The following NTF4 variants were observed in gnomAD, a reference collection of about 807,000 sequenced individuals.
NTF4 encodes the protein neurotrophin-4.
NTF4 carries 2 observed loss-of-function variants against 4.4 expected under a neutral mutation model. The ratio of observed to expected loss-of-function variants is 0.46; its 90% CI spans 0.19 to 1.44. NTF4 has a LOEUF of 1.44. NTF4 is among the 40% of genes most tolerant of loss of function. The pLI is 0.26. For missense variants in NTF4, 260 were observed against 293.0 expected (o/e 0.89, Z 0.82); for synonymous variants, 127 against 122.0 (o/e 1.04, Z -0.27).
downstream of NTF4, among the ~76,000 whole-genome samples, chr19:49,060,306 C>T (rs1568407165): frequency 6.6e-6 from 1 of 152,016 alleles, no homozygotes; most frequent in Admixed American, 6.6e-5. Context: ...TAGTCAGAAA[C>T]TCATGCCCCA....
downstream of NTF4, among the ~76,000 whole-genome samples, chr19:49,059,856 C>T (rs765204697): frequency 4.0e-5 from 6 of 151,542 alleles, no homozygotes; most frequent in South Asian, 1.0e-3. Context: ...GAGACCAGCC[C>T]GGCCAACATG....
At chr19:49,059,818 C>G (rs1390959112), downstream of NTF4, among the ~76,000 whole-genome samples, 1 of 152,008 alleles carries the variant, frequency 6.6e-6, no homozygotes, top group East Asian at 1.9e-4. Context: ...GAGGCCGAGG[C>G]ATGCGGATCA....
chr19:49,058,639 G>T, downstream of NTF4: 1 of 372,972 alleles, frequency 2.7e-6, no homozygotes, highest in South Asian at 7.3e-5. Context: ...GGAAGGGTAC[G>T]GGTGGGATAA....
chr19:49,058,289 A>G (rs1158848158), downstream of NTF4: 1 of 1,519,774 alleles, frequency 6.6e-7, no homozygotes, highest in Non-Finnish European at 8.8e-7. Context: ...ACCTCGTCGA[A>G]AGCCCAGATG....
downstream of NTF4, among the ~76,000 whole-genome samples, chr19:49,060,036 C>CAAAAAGA: frequency 3.5e-5 from 1 of 28,418 alleles, no homozygotes; most frequent in Non-Finnish European, 5.5e-5. Flanking sequence ...GACTCCATCT[C>CAAAAAGA]AAAAAAAAAA....
downstream of NTF4, among the ~76,000 whole-genome samples, chr19:49,059,427 G>A (rs747283460): frequency 6.6e-6 from 1 of 152,182 alleles, no homozygotes; most frequent in Non-Finnish European, 1.5e-5. Flanking sequence ...GAGAGACAGG[G>A]AGGAAGAAAG....
chr19:49,061,604 G>C lies in NTF4; in HGVS notation c.394C>G (p.Leu132Val). 1.2e-6 allele frequency: 2 copies of C among 1,613,886 alleles called. No individual in the cohort carries two copies. The highest frequency in any genetic ancestry group is 1.7e-6 in the Non-Finnish European group (2 of 1,180,022). The change falls in exon 1 of 1, where the codon CTC becomes GTC. Residue 132 changes from leucine (L) to valine (V), a missense_variant. Transcript: ENST00000593537. The surrounding 1 kb of genome is among the most constrained non-coding windows in gnomAD (Gnocchi z 4.9). ...CGGGTTTCAAAGAAGTACTGGCGGA[G>C]GGGACTGCCGCCAGCTGCAGGCACC... is the stretch of plus-strand genomic sequence containing the variant.
chr19:49,062,007 C>T, upstream of NTF4: 1 of 1,447,300 alleles, frequency 6.9e-7, no homozygotes, highest in Non-Finnish European at 9.1e-7. Context: ...TCTCTCGGAG[C>T]ACCTGGAGAC....
At chr19:49,059,493 G>A (rs1214528176), downstream of NTF4, among the ~76,000 whole-genome samples, 3 of 152,194 alleles carry the variant, frequency 2.0e-5, no homozygotes, top group Non-Finnish European at 4.4e-5. Context: ...GACACTGGAA[G>A]TTAGAGACAG....
rs1256313141 is a variant in NTF4 at position 49,061,489 on chromosome 19, C to T, written c.509G>A (p.Cys170Tyr). ...CCGCACATAGGACTGCTTGGCCTTGCACTCAGATACCCAGTGCCTCCTGTC... is the reference window on the plus strand; with the variant it reads ...CCGCACATAGGACTGCTTGGCCTTGTACTCAGATACCCAGTGCCTCCTGTC... The change falls in exon 1 of 1, where the codon TGC becomes TAC. Residue 170 changes from cysteine (C) to tyrosine (Y), a missense_variant. Transcript: ENST00000593537. The surrounding 1 kb of genome is among the most constrained non-coding windows in gnomAD (Gnocchi z 4.9). 1.2e-6 allele frequency: 2 copies of T among 1,614,042 alleles called. No homozygotes were observed. The highest frequency in any genetic ancestry group is 1.7e-6 in the Non-Finnish European group (2 of 1,179,932).
upstream of NTF4, chr19:49,064,618 G>A (rs549413641): frequency 1.3e-3 from 197 of 155,116 alleles, no homozygotes; most frequent in African/African-American, 4.1e-3. Context: ...AGACCCAGGA[G>A]TCCATGCCCC....
chr19:49,059,739 ACTT>A (rs1408932948), downstream of NTF4, among the ~76,000 whole-genome samples: 1 of 151,924 alleles, frequency 6.6e-6, no homozygotes, highest in Non-Finnish European at 1.5e-5. Context: ...TTCCCTTGTC[ACTT>A]CTTCACTATA....
chr19:49,063,913 C>A (rs1287390516), upstream of NTF4: 1 of 152,142 alleles, frequency 6.6e-6, no homozygotes, highest in Non-Finnish European at 1.5e-5. Context: ...GGGAAGGGGC[C>A]AAATCCCTGA....
upstream of NTF4, chr19:49,062,102 C>T: frequency 1.5e-6 from 2 of 1,364,690 alleles, no homozygotes; most frequent in South Asian, 1.7e-5. Context: ...GCTTGCCTGC[C>T]AGGATTGTGG....
At chr19:49,060,036 CAAAAAAAAAAAAAAAAAA>C (rs55870191), downstream of NTF4, among the ~76,000 whole-genome samples, 5 of 28,418 alleles carry the variant, frequency 1.8e-4, no homozygotes, top group South Asian at 2.5e-3. Context: ...GACTCCATCT[CAAAAAAAAAAAAAAAAAA>C]AAAAAAAAAA....
chr19:49,061,589 A>C lies in NTF4; in HGVS notation c.409T>G (p.Phe137Val), dbSNP rs767366652. The C allele has an allele frequency of 6.2e-7, 1 of 1,613,972 alleles. No individual in the cohort carries two copies. Among genetic ancestry groups the C allele is most frequent in the Non-Finnish European group, 8.5e-7 (1 of 1,180,028 alleles). ...TTATCAGCCTTGCAGCGGGTTTCAA[A>C]GAAGTACTGGCGGAGGGGACTGCCG... Residue 137 changes from phenylalanine to valine, a missense_variant, in exon 1 of 1, where the codon TTT becomes GTT. Physicochemically the swap from Phe to Val is conservative, Grantham distance 50. Coordinates refer to ENST00000593537, the Ensembl canonical transcript of NTF4. This position sits in a 1 kb window ranked among gnomAD's most constrained non-coding sequence, Gnocchi z 4.9.
Position 49,061,929 on chromosome 19 carries a change from C to A in NTF4, c.69G>T (p.Glu23Asp), listed in dbSNP as rs1182007687. ...GCAATGTTGAGGGTGGGGGTTGGGA[C>A]TCAATTGGCACACTGGGGAGGAGGA... The change falls in exon 1 of 1, where the codon GAG becomes GAT. Residue 23 changes from glutamate (E) to aspartate (D), a missense_variant. Coordinates refer to ENST00000593537, the Ensembl canonical transcript of NTF4. This position sits in a 1 kb window ranked among gnomAD's most constrained non-coding sequence, Gnocchi z 4.9. 1.2e-5 allele frequency: 19 copies of A among 1,522,946 alleles called. No homozygotes were observed. Among genetic ancestry groups the A allele is most frequent in the Non-Finnish European group, 1.6e-5 (18 of 1,125,390 alleles). 94.3% of individuals were successfully genotyped at this position (1,522,946 alleles called of 1,614,324 possible). A position where few individuals can be genotyped will look rare whatever the true frequency, so the allele number is the denominator to read the frequency against.
chr19:49,063,275 G>T (rs551001699), upstream of NTF4, among the ~76,000 whole-genome samples: 294 of 151,540 alleles, frequency 1.9e-3, no homozygotes, highest in Non-Finnish European at 3.7e-3. Flanking sequence ...CCAAAGTGCT[G>T]GGATTACAAG....
downstream of NTF4, among the ~76,000 whole-genome samples, chr19:49,059,873 C>G (rs560930326): frequency 1.1e-4 from 17 of 151,830 alleles, no homozygotes; most frequent in Admixed American, 1.1e-3. Flanking sequence ...CATGGCGAAA[C>G]CCTGTCTCTA....
Sources: allele counts gnomAD v4.1 joint callset (sites outside exome capture counted in the v4.1 genomes callset), GRCh38; gene constraint gnomAD v4.1.1; non-coding constraint Gnocchi (gnomAD v3.1); transcripts MANE v1.5; gene names NCBI Gene and HGNC (gene_info 2026-07-23, HGNC 2026-07-21).